Variants in ASXL2 observed in about 807,000 individuals in gnomAD.
The protein encoded by ASXL2 is putative Polycomb group protein ASXL2.
In ASXL2, 23 loss-of-function variants were observed where a neutral mutation model predicts 122.0. The observed-to-expected ratio is 0.19, with a 90% confidence interval of 0.14 to 0.27. ASXL2 has a LOEUF of 0.27. ASXL2 is among the 10% of genes least tolerant of loss of function. ASXL2 has a pLI of 1.00. For synonymous variants in ASXL2, 650 were observed against 637.0 expected (o/e 1.02, Z -0.31); for missense variants, 1,518 against 1,713.8 (o/e 0.89, Z 2.02).
chr2:25,855,698 G>A (rs943426503), intron 1 of ASXL2, among the ~76,000 whole-genome samples: 7 of 150,422 alleles, frequency 4.7e-5, no homozygotes, highest in Non-Finnish European at 1.0e-4. Flanking sequence ...AAAATTAGCC[G>A]AGCATGCTGG....
At position 25,878,352 on chromosome 2, in the gene ASXL2, G is replaced by A. The variant is rs925928416; in HGVS notation, c.-130C>T. 2.6e-5 allele frequency: 20 copies of A among 777,652 alleles called. No individual in the cohort carries two copies. The Admixed American group carries it at 3.4e-4, about 13-fold the overall frequency. 48.2% of individuals were successfully genotyped at this position (777,652 alleles called of 1,614,324 possible). A position where few individuals can be genotyped will look rare whatever the true frequency, so the allele number is the denominator to read the frequency against. ...AGAAAAGGGAAGTCAGACCGGGGGG[G>A]CACCCAAGCAGAGGAAGCGGCGGGG... is the stretch of plus-strand genomic sequence containing the variant. On this transcript the variant is annotated 5_prime_UTR_variant, in exon 1 of 13. Transcript: ENST00000435504.
intron 3 of ASXL2, among the ~76,000 whole-genome samples, chr2:25,824,372 T>C (rs2089350074): frequency 6.6e-6 from 1 of 152,150 alleles, no homozygotes; most frequent in Admixed American, 6.5e-5. Context: ...AAAGATGAAG[T>C]GGAAGTTTCC....
intron 5 of ASXL2, among the ~76,000 whole-genome samples, chr2:25,791,356 G>A (rs376724055): frequency 6.6e-6 from 1 of 151,956 alleles, no homozygotes; most frequent in South Asian, 2.1e-4. Context: ...GTGTGGTGGC[G>A]GGCGCCTATA....
chr2:25,747,621 T>C (rs1348281996), intron 12 of ASXL2, among the ~76,000 whole-genome samples: 1 of 152,208 alleles, frequency 6.6e-6, no homozygotes, highest in Non-Finnish European at 1.5e-5. Context: ...TAACCCAGCC[T>C]GTTTACAGGT....
intron 1 of ASXL2, among the ~76,000 whole-genome samples, chr2:25,864,467 T>C (rs986432248): frequency 2.0e-5 from 3 of 152,140 alleles, no homozygotes; most frequent in Non-Finnish European, 4.4e-5. Context: ...CAAAAATCCA[T>C]TAAGACTTTT....
rs33994557 is a variant in ASXL2, at chr2:25,750,191, C to G, written c.1365G>C (p.Pro455=). The change falls in exon 12 of 13, where the codon CCG becomes CCC. Residue 455 remains proline (P), a synonymous_variant. Transcript: ENST00000435504. ...GGGGCTCTGAAGATGTGGAGAAGTT[C>G]GGCTGCACTTCACCTTGGCTTTCAC... ...EECESQGEVQ[P]NFSTSSEPLL... 9 of 1,613,852 alleles carry G rather than the reference C, an allele frequency of 5.6e-6. No individual in the cohort carries two copies. In the South Asian group the frequency reaches 9.9e-5, roughly 18 times the overall value.
Position 25,878,319 on chromosome 2 carries a change from A to G in ASXL2, c.-97T>C. 7.4e-7 allele frequency: 1 copy of G among 1,358,180 alleles called. No homozygotes were observed. 84.1% of individuals were successfully genotyped at this position (1,358,180 alleles called of 1,614,324 possible). ...CGCTGCTTTTCCCGCGGTGCCGGGA[A>G]AGGTGGGAGAAAAGGGAAGTCAGAC... On this transcript the variant is annotated 5_prime_UTR_variant, in exon 1 of 13. Coordinates refer to ENST00000435504, the MANE Select transcript of ASXL2 (RefSeq NM_018263.6).
At chr2:25,827,157 A>G (rs2089388000) in intron 3 of ASXL2, among the ~76,000 whole-genome samples, 2 of 152,142 alleles carry the variant, frequency 1.3e-5, no homozygotes, top group South Asian at 4.1e-4. Flanking sequence ...ATATAAAGAT[A>G]TAATAAATTT....
At chr2:25,782,018 T>C (rs1399377036) in intron 5 of ASXL2, among the ~76,000 whole-genome samples, 3 of 138,002 alleles carry the variant, frequency 2.2e-5, no homozygotes, top group South Asian at 4.9e-4. Flanking sequence ...TTTGTCCAGG[T>C]TGGTCTCAAA....
intron 1 of ASXL2, among the ~76,000 whole-genome samples, chr2:25,846,822 A>G (rs2089655894): frequency 6.6e-6 from 1 of 152,194 alleles, no homozygotes. Flanking sequence ...AAATAGAAAT[A>G]ATGTCTAATA....
chr2:25,823,564 G>A (rs2089337859), intron 3 of ASXL2, among the ~76,000 whole-genome samples: 2 of 152,120 alleles, frequency 1.3e-5, no homozygotes, highest in Admixed American at 1.3e-4. Flanking sequence ...TGTATATTTG[G>A]TATTGTTTGA....
intron 3 of ASXL2, among the ~76,000 whole-genome samples, chr2:25,828,230 G>A (rs2149184946): frequency 6.6e-6 from 1 of 151,780 alleles, no homozygotes; most frequent in South Asian, 2.1e-4. Flanking sequence ...GGCCAGCTGG[G>A]TGCGGTGGCT....
At chr2:25,856,521 C>T (rs1421129547) in intron 1 of ASXL2, 2 of 1,111,270 alleles carry the variant, frequency 1.8e-6, no homozygotes, top group East Asian at 2.6e-5. Flanking sequence ...CCCCAAGAGC[C>T]TCCTCAATCC....
chr2:25,835,496 T>A (rs766984194), intron 3 of ASXL2, 42 bp downstream of exon 3: 1 of 256,432 alleles, frequency 3.9e-6, no homozygotes, highest in South Asian at 3.5e-5. Context: ...GTGTGCTTTA[T>A]AATTGCATAA....
At chr2:25,816,280 C>G (rs553563682) in intron 3 of ASXL2, among the ~76,000 whole-genome samples, 1 of 151,866 alleles carries the variant, frequency 6.6e-6, no homozygotes, top group Non-Finnish European at 1.5e-5. Flanking sequence ...TCTTAAGCGT[C>G]AAGGATAAAG....
At chr2:25,855,723 C>T (rs1285628496) in intron 1 of ASXL2, among the ~76,000 whole-genome samples, 1 of 150,548 alleles carries the variant, frequency 6.6e-6, no homozygotes, top group East Asian at 2.0e-4. Context: ...CACCTGTGGT[C>T]CCAGCTACTC....
rs1352564962 is a variant in ASXL2, at chr2:25,843,985, A to T, written c.140+1496T>A. Among the ~76,000 whole-genome samples, 3 of 152,126 alleles carry T rather than the reference A, an allele frequency of 2.0e-5. No individual in the cohort carries two copies. In the East Asian group the frequency reaches 5.8e-4, roughly 29 times the overall value. ...GGCACCTGAGATGAAAAACTATTCAATGTGAAGCAACGTCCAACACAATGC... is the reference window on the plus strand; with the variant it reads ...GGCACCTGAGATGAAAAACTATTCATTGTGAAGCAACGTCCAACACAATGC... On this transcript the variant is annotated intron_variant, in intron 2 of 12. Coordinates refer to ENST00000435504, the MANE Select transcript of ASXL2 (RefSeq NM_018263.6).
chr2:25,839,934 T>C (rs1236828152), intron 2 of ASXL2, among the ~76,000 whole-genome samples: 2 of 151,624 alleles, frequency 1.3e-5, no homozygotes, highest in African/African-American at 4.8e-5. Flanking sequence ...TCTCGCTATC[T>C]TGTTCACGCT....
chr2:25,783,153 A>T (rs2088674773), intron 5 of ASXL2, among the ~76,000 whole-genome samples: 1 of 152,130 alleles, frequency 6.6e-6, no homozygotes, highest in Admixed American at 6.6e-5. Context: ...AATAAAAATT[A>T]AAAAATAAAA....
Sources: gnomAD v4.1 joint callset for allele counts (sites outside exome capture counted in the v4.1 genomes callset) on GRCh38, gnomAD v4.1.1 for gene constraint, MANE v1.5 for transcripts, NCBI Gene and HGNC (gene_info 2026-07-23, HGNC 2026-07-21) for gene names.